ORC5: variants seen among roughly 807,000 people sequenced by gnomAD.
ORC5 encodes the protein origin recognition complex subunit 5.
ORC5 carries 39 observed loss-of-function variants against 58.8 expected under a neutral mutation model. The ratio of observed to expected loss-of-function variants is 0.66; its 90% CI spans 0.51 to 0.87. The LOEUF (loss-of-function observed/expected upper bound fraction) is 0.87. Ranked by LOEUF, ORC5 falls within the 40% of genes least tolerant of loss-of-function variation. The pLI is 0.00. For synonymous variants in ORC5, 218 were observed against 177.6 expected, an observed-to-expected ratio of 1.23 and a Z score of -1.81; for missense variants, 493 against 506.3, an observed-to-expected ratio of 0.97 and a Z score of 0.25.
chr7:104,130,450 A>G (rs2115726599), intron 13 of ORC5, among the ~76,000 whole-genome samples: 1 of 152,204 alleles, frequency 6.6e-6, no homozygotes, highest in Non-Finnish European at 1.5e-5. Context: ...TTAACTCTCT[A>G]CTGTACCCCC....
intron 5 of ORC5, among the ~76,000 whole-genome samples, chr7:104,189,965 T>A (rs1428018246): frequency 6.6e-6 from 1 of 152,104 alleles, no homozygotes; most frequent in Admixed American, 6.5e-5. Context: ...CCTTAACTTG[T>A]GAGGTCTGCA....
At chr7:104,158,714 C>T (rs546570113) in intron 12 of ORC5, among the ~76,000 whole-genome samples, 1 of 150,830 alleles carries the variant, frequency 6.6e-6, no homozygotes, top group Non-Finnish European at 1.5e-5. Flanking sequence ...GCAGCCAAAA[C>T]ACACATGAAA....
At position 104,168,270 on chromosome 7, in the gene ORC5, G is replaced by C. The variant is rs138809398; in HGVS notation, c.877+203C>G. On this transcript the variant is annotated intron_variant, in intron 9 of 13. Transcript: ENST00000297431. ...CCAATATTTAGAAAATAGAAAGCTG[G>C]TATTCAAACTTTTATTTCCTCCCAT... The C allele has an allele frequency of 1.6e-5, 18 of 1,140,936 alleles. No individual in the cohort carries two copies. In the Admixed American group the frequency reaches 6.5e-4, roughly 41 times the overall value. 70.7% of individuals were successfully genotyped at this position (1,140,936 alleles called of 1,614,324 possible).
chr7:104,205,581 C>T (rs759621521), intron 1 of ORC5, among the ~76,000 whole-genome samples: 1 of 152,190 alleles, frequency 6.6e-6, no homozygotes, highest in Non-Finnish European at 1.5e-5. Context: ...AGGAAAAAGA[C>T]TTTCTAAATG....
intron 8 of ORC5, among the ~76,000 whole-genome samples, chr7:104,173,736 A>G (rs567738297): frequency 3.4e-4 from 51 of 152,086 alleles, no homozygotes; most frequent in African/African-American, 1.2e-3. Context: ...TCCGGTTACT[A>G]TAAAATTTGT....
At chr7:104,127,324 T>A (rs1385451659) in intron 13 of ORC5, among the ~76,000 whole-genome samples, 1 of 152,226 alleles carries the variant, frequency 6.6e-6, no homozygotes, top group East Asian at 1.9e-4. Context: ...GCATAGCTCA[T>A]CTGTCCTCAT....
At chr7:104,142,541 A>G (rs956702350) in intron 12 of ORC5, among the ~76,000 whole-genome samples, 6 of 152,198 alleles carry the variant, frequency 3.9e-5, no homozygotes, top group African/African-American at 1.2e-4. Context: ...AATTGTATTA[A>G]AAGTAAATGA....
At chr7:104,143,075 C>T (rs1584481451) in intron 12 of ORC5, among the ~76,000 whole-genome samples, 2 of 152,020 alleles carry the variant, frequency 1.3e-5, no homozygotes, top group African/African-American at 2.4e-5. Context: ...GTAAGGGATT[C>T]GTTTGCTAAA....
chr7:104,145,985 A>G (rs185554810), intron 12 of ORC5, among the ~76,000 whole-genome samples: 1 of 152,384 alleles, frequency 6.6e-6, no homozygotes, highest in African/African-American at 2.4e-5. Flanking sequence ...CGAACAAGGT[A>G]AAACGGAAGA....
rs886752027 is a variant in ORC5 at position 104,190,639 on chromosome 7, T to C, written c.554-2258A>G. 1.1e-4 allele frequency among the ~76,000 whole-genome samples: 17 copies of C among 152,246 alleles called. 2 individuals are homozygous for C. The highest frequency in any genetic ancestry group is 1.0e-3 in the Admixed American group (16 of 15,278). ...TTCCCAGTCATAATACAGGAATCAA[T>C]TAGTCATTCATTCCTTATTGTAAGA... On this transcript the variant is annotated intron_variant, in intron 5 of 13. Transcript: ENST00000297431.
At chr7:104,128,489 A>C (rs995108967) in intron 13 of ORC5, among the ~76,000 whole-genome samples, 4 of 152,154 alleles carry the variant, frequency 2.6e-5, no homozygotes, top group Non-Finnish European at 4.4e-5. Flanking sequence ...CATAGAAAGG[A>C]AACGGATATA....
intron 12 of ORC5, among the ~76,000 whole-genome samples, chr7:104,156,726 C>T (rs1405672522): frequency 1.3e-5 from 2 of 151,782 alleles, no homozygotes; most frequent in Non-Finnish European, 2.9e-5. Context: ...CATATAGACA[C>T]ATTATAACTA....
chr7:104,153,845 CAATAAATGGATT>C (rs1798882234), intron 12 of ORC5, among the ~76,000 whole-genome samples: 1 of 152,028 alleles, frequency 6.6e-6, no homozygotes, highest in Non-Finnish European at 1.5e-5. Flanking sequence ...GTTACCTGAT[CAATAAATGGATT>C]AGATATTTTT....
chr7:104,157,123 T>C (rs539022077), intron 12 of ORC5, among the ~76,000 whole-genome samples: 1 of 151,994 alleles, frequency 6.6e-6, no homozygotes, highest in South Asian at 2.1e-4. Flanking sequence ...AGAAGAAAAC[T>C]AGAAAAGGTC....
At chr7:104,160,124 T>C (rs888171365) in intron 12 of ORC5, among the ~76,000 whole-genome samples, 2 of 152,150 alleles carry the variant, frequency 1.3e-5, no homozygotes, top group Non-Finnish European at 2.9e-5. Flanking sequence ...ACAATAAATG[T>C]AGATACAATT....
At chr7:104,191,205 G>GT (rs1799668814) in intron 5 of ORC5, among the ~76,000 whole-genome samples, 1 of 149,380 alleles carries the variant, frequency 6.7e-6, no homozygotes, top group Non-Finnish European at 1.5e-5. Context: ...ATGTCACTAA[G>GT]TTTTTTTAAC....
intron 6 of ORC5, among the ~76,000 whole-genome samples, chr7:104,185,573 T>C (rs1215592228): frequency 1.3e-5 from 2 of 152,156 alleles, no homozygotes; most frequent in Non-Finnish European, 2.9e-5. Flanking sequence ...TAAATGCAAG[T>C]TCTTGGCACC....
chr7:104,157,227 T>C (rs764589263), intron 12 of ORC5, among the ~76,000 whole-genome samples: 34 of 152,082 alleles, frequency 2.2e-4, no homozygotes, highest in Middle Eastern at 6.8e-3. Context: ...GAACACAATA[T>C]ATATGTTATT....
At chr7:104,199,944 T>G (rs1799898431) in intron 3 of ORC5, among the ~76,000 whole-genome samples, 1 of 152,266 alleles carries the variant, frequency 6.6e-6, no homozygotes, top group Non-Finnish European at 1.5e-5. Flanking sequence ...GGTTCCCCCA[T>G]GCTGTTCTTG....
Sources: allele counts gnomAD v4.1 joint callset (sites outside exome capture counted in the v4.1 genomes callset), GRCh38; gene constraint gnomAD v4.1.1; transcripts MANE v1.5; gene names NCBI Gene and HGNC (gene_info 2026-07-23, HGNC 2026-07-21).